SPATS2L: variants seen among roughly 807,000 people sequenced by gnomAD.
The protein encoded by SPATS2L is spermatogenesis associated serine rich 2 like, also known as SPATS2-like protein.
A neutral mutation model predicts 59.6 loss-of-function variants in SPATS2L; 30 were observed. That is an observed-to-expected ratio of 0.50 (90% CI 0.38 to 0.68). The LOEUF is 0.68. Ranked by LOEUF, SPATS2L falls within the 30% of genes least tolerant of loss-of-function variation. SPATS2L has a pLI of 0.00. For missense variants in SPATS2L, 615 were observed against 700.0 expected (o/e 0.88, Z 1.37); for synonymous variants, 252 against 263.5 (o/e 0.96, Z 0.42).
intron 1 of SPATS2L, among the ~76,000 whole-genome samples, chr2:200,323,962 C>T (rs915005869): frequency 1.3e-5 from 2 of 152,142 alleles, no homozygotes; most frequent in South Asian, 2.1e-4. Context: ...GGGTAGCATC[C>T]GTGCAGAGGT....
intron 1 of SPATS2L, among the ~76,000 whole-genome samples, chr2:200,320,460 C>A (rs1265817023): frequency 6.6e-6 from 1 of 152,140 alleles, no homozygotes; most frequent in East Asian, 1.9e-4. Flanking sequence ...TTTACAGAAT[C>A]ATTACTCTTA....
chr2:200,376,675 A>G (rs914145561), intron 2 of SPATS2L, among the ~76,000 whole-genome samples: 3 of 152,274 alleles, frequency 2.0e-5, no homozygotes, highest in African/African-American at 4.8e-5. Context: ...GATCCATTCT[A>G]TGCAGAAGTG....
intron 2 of SPATS2L, among the ~76,000 whole-genome samples, chr2:200,357,504 T>G (rs2080954817): frequency 6.6e-6 from 1 of 152,142 alleles, no homozygotes; most frequent in Admixed American, 6.6e-5. Context: ...TTTTGAAAAA[T>G]GTAGAGAGGG....
At chr2:200,368,867 A>T (rs978268218) in intron 2 of SPATS2L, among the ~76,000 whole-genome samples, 1 of 152,210 alleles carries the variant, frequency 6.6e-6, no homozygotes, top group African/African-American at 2.4e-5. Context: ...CACATAGCTG[A>T]TACCCAGTAA....
intron 9 of SPATS2L, among the ~76,000 whole-genome samples, chr2:200,462,863 A>T (rs2086334637): frequency 6.6e-6 from 1 of 152,118 alleles, no homozygotes; most frequent in African/African-American, 2.4e-5. Flanking sequence ...GAGTTTAAGG[A>T]TGCAGCAAGC....
rs1466013910 is a variant in SPATS2L at position 200,481,632 on chromosome 2, CAG to C, written c.*3603_*3604del. 1.3e-5 allele frequency: 2 copies of C among 152,220 alleles called. No homozygotes were observed. Among genetic ancestry groups the C allele is most frequent in the Admixed American group, 6.5e-5 (1 of 15,276 alleles). 9.4% of individuals were successfully genotyped at this position (152,220 alleles called of 1,614,324 possible). On this transcript the variant is annotated 3_prime_UTR_variant, in exon 13 of 13. Transcript: ENST00000409140. ...AGATGGTAAAACGTTTATTTCTCAA[CAG>C]ACATTCCAGTGATAGCATCCAATGA... is the stretch of plus-strand genomic sequence containing the variant.
intron 1 of SPATS2L, among the ~76,000 whole-genome samples, chr2:200,322,552 A>G (rs1327268093): frequency 6.6e-6 from 1 of 152,236 alleles, no homozygotes. Context: ...TCAAAGAATT[A>G]TTTGGTGAAC....
chr2:200,380,297 A>G (rs1392880127), intron 2 of SPATS2L, among the ~76,000 whole-genome samples: 1 of 152,222 alleles, frequency 6.6e-6, no homozygotes, highest in Non-Finnish European at 1.5e-5. Flanking sequence ...TGCCAGTACT[A>G]AAATGGAAAA....
intron 9 of SPATS2L, among the ~76,000 whole-genome samples, chr2:200,462,259 T>C (rs1436528793): frequency 6.6e-6 from 1 of 152,210 alleles, no homozygotes; most frequent in African/African-American, 2.4e-5. Context: ...TTTTTCCTTC[T>C]TGAGACATGA....
chr2:200,377,703 T>A (rs1574317595), intron 2 of SPATS2L, among the ~76,000 whole-genome samples: 1 of 152,342 alleles, frequency 6.6e-6, no homozygotes, highest in African/African-American at 2.4e-5. Context: ...CACTTCCTTG[T>A]GTGAGCACAT....
chr2:200,393,083 A>G (rs1470061601), intron 3 of SPATS2L: 1 of 400,618 alleles, frequency 2.5e-6, no homozygotes, highest in Non-Finnish European at 5.0e-6. Context: ...TCAAGTGAGA[A>G]TATGTATTCC....
At chr2:200,419,767 G>A (rs916967590) in intron 6 of SPATS2L, among the ~76,000 whole-genome samples, 3 of 150,046 alleles carry the variant, frequency 2.0e-5, no homozygotes, top group African/African-American at 4.9e-5. Flanking sequence ...GAGTGCAGTG[G>A]TGTGGTCATA....
At chr2:200,347,112 A>G (rs1418423368) in intron 2 of SPATS2L, among the ~76,000 whole-genome samples, 1 of 152,158 alleles carries the variant, frequency 6.6e-6, no homozygotes, top group African/African-American at 2.4e-5. Context: ...TCCTTTATAT[A>G]TGTCAGATAG....
In SPATS2L at chr2:200,396,694, T is replaced by G. The variant is rs553347998; in HGVS notation, c.39+7411T>G. Reference sequence around the variant, plus strand: ...TCCATTTAATAGATAACTCGCTTCATGGGATTTGACACAAGTTTTAATGCT... The same window carrying G: ...TCCATTTAATAGATAACTCGCTTCAGGGGATTTGACACAAGTTTTAATGCT... On this transcript the variant is annotated intron_variant, in intron 3 of 12. Coordinates refer to ENST00000409140, the MANE Select transcript of SPATS2L (RefSeq NM_001100423.2). 8.5e-5 allele frequency among the ~76,000 whole-genome samples: 13 copies of G among 152,302 alleles called. No individual in the cohort carries two copies. The South Asian group carries it at 2.7e-3, about 32-fold the overall frequency.
intron 3 of SPATS2L, among the ~76,000 whole-genome samples, chr2:200,399,666 CTT>C (rs949134351): frequency 1.3e-5 from 2 of 152,028 alleles, no homozygotes; most frequent in Non-Finnish European, 2.9e-5. Context: ...TCATCATGCT[CTT>C]TTTTAATTGA....
chr2:200,327,888 G>A (rs910774368), intron 1 of SPATS2L, among the ~76,000 whole-genome samples: 3 of 150,556 alleles, frequency 2.0e-5, no homozygotes, highest in African/African-American at 2.5e-5. Context: ...ACATACACAC[G>A]CAAACAAAAG....
intron 8 of SPATS2L, among the ~76,000 whole-genome samples, chr2:200,457,515 A>G (rs1357820419): frequency 6.6e-6 from 1 of 152,190 alleles, no homozygotes; most frequent in Non-Finnish European, 1.5e-5. Context: ...CATTTCCTAT[A>G]TTTAAAACAC....
rs1402027352 is a variant in SPATS2L, at chr2:200,470,008, G to C, written c.1052G>C (p.Cys351Ser). ...CAGCTGAAGGCCCAAATCATGCTCT[G>C]CGGAGAAAGTGAGTTTTGCATATTT... ...IEQLKAQIML[C>S]GEITHPKNNY... is the part of the protein sequence containing the mutation. Residue 351 changes from cysteine to serine, a missense_variant, in exon 11 of 13, where the codon TGC (cysteine) becomes TCC (serine). By Grantham distance (112) the Cys-to-Ser change is moderately radical. Coordinates refer to ENST00000409140, the MANE Select transcript of SPATS2L (RefSeq NM_001100423.2). 1 of 1,607,696 alleles carries C rather than the reference G, an allele frequency of 6.2e-7. No individual in the cohort carries two copies. The highest frequency in any genetic ancestry group is 1.1e-5 in the South Asian group (1 of 89,508).
intron 9 of SPATS2L, among the ~76,000 whole-genome samples, chr2:200,464,697 C>A (rs1394348612): frequency 6.6e-6 from 1 of 152,000 alleles, no homozygotes; most frequent in African/African-American, 2.4e-5. Flanking sequence ...CCAGGCAGGT[C>A]TTGAACTCCT....
Sources: gnomAD v4.1 joint callset for allele counts (sites outside exome capture counted in the v4.1 genomes callset) on GRCh38, gnomAD v4.1.1 for gene constraint, MANE v1.5 for transcripts, NCBI Gene and HGNC (gene_info 2026-07-23, HGNC 2026-07-21) for gene names.